The following SETD2 variants were observed in gnomAD, a reference collection of about 807,000 sequenced individuals.
SETD2 encodes SET domain containing 2, histone lysine methyltransferase, also known as histone-lysine N-methyltransferase SETD2.
In SETD2, 31 loss-of-function variants were observed where a neutral mutation model predicts 242.1. The ratio of observed to expected loss-of-function variants is 0.13; its 90% CI spans 0.10 to 0.17. The LOEUF is 0.17. Among genes scored for constraint, SETD2 ranks in the 10% least tolerant of loss-of-function variants. SETD2 has a pLI of 1.00. For missense variants in SETD2, 2,481 were observed against 3,046.3 expected, an observed-to-expected ratio of 0.81 and a Z score of 4.37; for synonymous variants, 1,006 against 1,066.5, an observed-to-expected ratio of 0.94 and a Z score of 1.11.
At chr3:47,037,596 C>T in intron 18 of SETD2, 70 bp downstream of exon 18, 1 of 1,168,150 alleles carries the variant, frequency 8.6e-7, no homozygotes, top group Non-Finnish European at 1.3e-6. Context: ...AAAAGAATCC[C>T]AAGACCATGC....
At chr3:47,063,693 A>T (rs1305908192) in intron 13 of SETD2, among the ~76,000 whole-genome samples, 5 of 152,130 alleles carry the variant, frequency 3.3e-5, no homozygotes, top group African/African-American at 7.2e-5. Context: ...CTCCTTAAGA[A>T]GTCAATCTCG....
At chr3:47,117,336 T>C (rs1035056758) in intron 3 of SETD2, among the ~76,000 whole-genome samples, 1 of 147,978 alleles carries the variant, frequency 6.8e-6, no homozygotes, top group Non-Finnish European at 1.5e-5. Flanking sequence ...ATGGGGAAGA[T>C]GAGATGAGTT....
intron 15 of SETD2, among the ~76,000 whole-genome samples, chr3:47,056,118 AT>A (rs2040070480): frequency 8.2e-6 from 1 of 121,226 alleles, no homozygotes; most frequent in African/African-American, 3.0e-5. Context: ...TTATTTATTT[AT>A]TTATTTATTT....
chr3:47,105,332 C>G (rs1208752188), intron 6 of SETD2, among the ~76,000 whole-genome samples: 1 of 151,250 alleles, frequency 6.6e-6, no homozygotes, highest in Admixed American at 6.6e-5. Context: ...ATCGCTTGAA[C>G]CCGGGAGGCA....
intron 15 of SETD2, among the ~76,000 whole-genome samples, chr3:47,053,394 C>G (rs760528785): frequency 6.6e-6 from 1 of 152,130 alleles, no homozygotes; most frequent in Non-Finnish European, 1.5e-5. Context: ...TACTTTTGCA[C>G]CAACCTAAAA....
At chr3:47,126,693 AAAG>A in intron 1 of SETD2, 30 bp from the exon 2 acceptor site, 1 of 1,215,038 alleles carries the variant, frequency 8.2e-7, no homozygotes. Flanking sequence ...AAAACATGCA[AAAG>A]AATAAAAAGA....
In SETD2 at chr3:47,057,085, C is replaced by T. The variant is rs1164619683; in HGVS notation, c.6699G>A (p.Val2233=). 6.2e-7 allele frequency: 1 copy of T among 1,614,206 alleles called. No homozygotes were observed. The highest frequency in any genetic ancestry group is 8.5e-7 in the Non-Finnish European group (1 of 1,180,018). Residue 2233 remains valine (V), a synonymous_variant, in exon 15 of 21, where the codon GTG becomes GTA. Coordinates refer to ENST00000409792, the MANE Select transcript of SETD2 (RefSeq NM_014159.7). Reference sequence around the variant, plus strand: ...CCACATACTGGGAACTGGAAACTTCCACAGGAGCTGCCACATGTGGCACCA... The same window carrying T: ...CCACATACTGGGAACTGGAAACTTCTACAGGAGCTGCCACATGTGGCACCA... ...VPVVPHVAAP[V]EVSSSQYVAQ...
rs958493987 is a variant in SETD2 at position 47,121,117 on chromosome 3, A to G, written c.3519T>C (p.His1173=). 5 of 1,614,032 alleles carry G rather than the reference A, an allele frequency of 3.1e-6. No homozygotes were observed. The Admixed American group carries it at 5.0e-5, about 16-fold the overall frequency. Residue 1173 remains histidine, a synonymous_variant, in exon 3 of 21, where the codon CAT becomes CAC. Transcript: ENST00000409792. ...CCAGAGGGTCAGATTTCACATCTGT[A>G]TGACTTGTACTATCAACCCCATCAC... is the stretch of plus-strand genomic sequence containing the variant. The part of the protein sequence containing the change: ...PQSDGVDSTS[H]TDVKSDPLGH...
intron 6 of SETD2, among the ~76,000 whole-genome samples, chr3:47,103,914 C>T (rs1486406026): frequency 1.3e-5 from 2 of 152,170 alleles, no homozygotes; most frequent in East Asian, 3.9e-4. Context: ...TCCCATTTAT[C>T]CTTAGCCATT....
intron 15 of SETD2, among the ~76,000 whole-genome samples, chr3:47,054,251 T>C (rs1006508287): frequency 6.6e-6 from 1 of 152,218 alleles, no homozygotes; most frequent in Non-Finnish European, 1.5e-5. Context: ...ATTGTGATGC[T>C]TGGCTCTTAG....
chr3:47,084,363 T>C lies in SETD2; in HGVS notation c.5417A>G (p.His1806Arg), dbSNP rs2041453517. 6.2e-7 allele frequency: 1 copy of C among 1,612,468 alleles called. No homozygotes were observed. Among genetic ancestry groups the C allele is most frequent in the Non-Finnish European group, 8.5e-7 (1 of 1,178,896 alleles). ...LQEEIIKTLE[H>R]LPIPTKNMLE... The stretch of plus-strand genomic sequence containing the variant: ...CATATTTTTAGTAGGAATGGGCAAG[T>C]GTTCCAAAGTCTTTATAATCTGATT... Residue 1806 changes from histidine to arginine, a missense_variant, in exon 12 of 21, where the codon CAC becomes CGC. Transcript: ENST00000409792.
chr3:47,070,897 T>TTGTGTGTGTA (rs2040790122), intron 12 of SETD2, among the ~76,000 whole-genome samples: 1 of 152,122 alleles, frequency 6.6e-6, no homozygotes, highest in African/African-American at 2.4e-5. Context: ...AGATTTAATA[T>TTGTGTGTGTA]TGTGTGTGTA....
intron 5 of SETD2, among the ~76,000 whole-genome samples, chr3:47,107,448 G>A (rs2042471308): frequency 6.6e-6 from 1 of 151,360 alleles, no homozygotes; most frequent in Admixed American, 6.6e-5. Context: ...GATTGGAGAA[G>A]TTTATAGTGG....
intron 7 of SETD2, among the ~76,000 whole-genome samples, chr3:47,103,087 C>T (rs1359336169): frequency 1.3e-5 from 2 of 152,178 alleles, no homozygotes; most frequent in Non-Finnish European, 2.9e-5. Flanking sequence ...TTCTCTGGAT[C>T]TGATCCTTTT....
At position 47,121,662 on chromosome 3, in the gene SETD2, T is replaced by C; in HGVS notation, c.2974A>G (p.Thr992Ala). The C allele has an allele frequency of 6.2e-7, 1 of 1,613,914 alleles. No homozygotes were observed. The highest frequency in any genetic ancestry group is 8.5e-7 in the Non-Finnish European group (1 of 1,179,804). ...AATACAACTTCTGAGTCATCAGAAG[T>C]ATGCACATGTCCTCCTTCTCCTCTT... is the stretch of plus-strand genomic sequence containing the variant. ...DERGEGGHVH[T>A]SDDSEVVFSS... Residue 992 changes from threonine (T) to alanine (A), a missense_variant, in exon 3 of 21, where the codon ACT becomes GCT. By Grantham distance (58) the Thr-to-Ala change is moderately conservative. Around this residue, in one of 17 missense-constraint regions of SETD2, gnomAD observed 1,300 missense variants for 1,259.2 expected, o/e 1.03. Transcript: ENST00000409792.
At chr3:47,126,705 G>T in intron 1 of SETD2, 42 bp from the exon 2 acceptor site, 2 of 1,171,372 alleles carry the variant, frequency 1.7e-6, no homozygotes, top group South Asian at 1.4e-5. Context: ...AGAATAAAAA[G>T]AAATCATAAA....
At chr3:47,018,538 G>A (rs1317322032) in intron 19 of SETD2, among the ~76,000 whole-genome samples, 1 of 152,192 alleles carries the variant, frequency 6.6e-6, no homozygotes, top group Non-Finnish European at 1.5e-5. Context: ...ATAAACAGCT[G>A]CTGGTTCAAT....
chr3:47,123,636 G>T lies in SETD2; in HGVS notation c.1000C>A (p.Gln334Lys). ...DEDSVRTSSS[Q>K]RSHDLKFSAS... is the part of the protein sequence containing the mutation. ...GAAAATTTTAAATCATGTGATCTTT[G>T]ACTTGAAGAAGTCCGTACAGAATCT... The change falls in exon 3 of 21, where the codon CAA (glutamine) becomes AAA (lysine). Residue 334 changes from glutamine (Q) to lysine (K), a missense_variant. Around this residue, in one of 17 missense-constraint regions of SETD2, gnomAD observed 38 missense variants for 61.0 expected, o/e 0.62. Transcript: ENST00000409792. 1 of 1,549,932 alleles carries T rather than the reference G, an allele frequency of 6.5e-7. No homozygotes were observed.
chr3:47,155,841 GTTT>G (rs1462846080), intron 1 of SETD2, among the ~76,000 whole-genome samples: 1 of 148,396 alleles, frequency 6.7e-6, no homozygotes, highest in Non-Finnish European at 1.5e-5. Context: ...TGTTTTTGTT[GTTT>G]TTTTTTTCTG....
Sources: gnomAD v4.1 joint callset for allele counts (sites outside exome capture counted in the v4.1 genomes callset) on GRCh38, gnomAD v4.1.1 for gene constraint, gnomAD v4.1.1 regional missense constraint, MANE v1.5 for transcripts, NCBI Gene and HGNC (gene_info 2026-07-23, HGNC 2026-07-21) for gene names.